Variants in NT5DC3 observed in about 807,000 individuals in gnomAD.
NT5DC3 encodes the protein 5'-nucleotidase domain containing 3.
Under a neutral mutation model 67.8 loss-of-function variants are expected in NT5DC3, and 42 were observed. The ratio of observed to expected loss-of-function variants is 0.62; its 90% CI spans 0.48 to 0.80. NT5DC3 has a LOEUF of 0.80. NT5DC3 is among the 30% of genes least tolerant of loss of function. The pLI is 0.00. For missense variants in NT5DC3, 570 were observed against 696.4 expected (o/e 0.82, Z 2.04); for synonymous variants, 237 against 255.6 (o/e 0.93, Z 0.69).
intron 6 of NT5DC3, among the ~76,000 whole-genome samples, 170 bp from the exon 7 acceptor site, chr12:103,794,167 T>G (rs1886200168): frequency 2.1e-5 from 2 of 94,646 alleles, no homozygotes; most frequent in Non-Finnish European, 2.2e-5. Flanking sequence ...TTTTTTTTTT[T>G]GAGACAGAGT....
At chr12:103,758,924 A>T in the NT5DC3 span, among the ~76,000 whole-genome samples, 1 of 152,146 alleles carries the variant, frequency 6.6e-6, no homozygotes, top group Non-Finnish European at 1.5e-5. Context: ...AATACAAATG[A>T]CATTCAATCC....
chr12:103,781,721 T>C (rs1885559318), intron 12 of NT5DC3, among the ~76,000 whole-genome samples: 1 of 152,208 alleles, frequency 6.6e-6, no homozygotes, highest in South Asian at 2.1e-4. Flanking sequence ...CACTTTAAAA[T>C]ATTTCAAAGA....
rs2139326223 is a variant in NT5DC3 at position 103,789,025 on chromosome 12, T to A, written c.1020-106A>T. 1.2e-5 allele frequency: 9 copies of A among 775,828 alleles called. No individual in the cohort carries two copies. Among genetic ancestry groups the A allele is most frequent in the Admixed American group, 4.4e-5 (2 of 45,852 alleles). The allele number at this position is 775,828 out of a possible 1,614,324, so 48.1% of individuals were successfully genotyped here. On this transcript the variant is annotated intron_variant, in intron 9 of 13. Coordinates refer to ENST00000392876, the MANE Select transcript of NT5DC3 (RefSeq NM_001031701.3). The stretch of plus-strand genomic sequence containing the variant: ...CAGGAAGTAGCTCCCTGCAAAAACC[T>A]AAAAAAAACCCGAAACCAAAACTCC...
chr12:103,789,271 A>C (rs1310456638), intron 9 of NT5DC3, among the ~76,000 whole-genome samples: 3 of 152,150 alleles, frequency 2.0e-5, no homozygotes, highest in Admixed American at 6.5e-5. Context: ...TAAAAATACA[A>C]AAATTAGCTG....
At chr12:103,805,337 CT>C (rs1886752989) in intron 4 of NT5DC3, among the ~76,000 whole-genome samples, 1 of 152,162 alleles carries the variant, frequency 6.6e-6, no homozygotes, top group South Asian at 2.1e-4. Context: ...CTGCTGACCC[CT>C]GTGACATCTT....
chr12:103,766,828 T>C (rs1352696977), downstream of NT5DC3: 1 of 155,514 alleles, frequency 6.4e-6, no homozygotes, highest in Admixed American at 6.2e-5. Flanking sequence ...ACCAGCCTTA[T>C]AAATTCTTCT....
intron 1 of NT5DC3, among the ~76,000 whole-genome samples, chr12:103,816,781 AT>A (rs1487197038): frequency 2.0e-5 from 3 of 152,090 alleles, no homozygotes; most frequent in Non-Finnish European, 4.4e-5. Context: ...GCCACCTATG[AT>A]TTTTTAAAAG....
downstream of NT5DC3, chr12:103,766,469 G>A (rs1200958874): frequency 2.3e-5 from 24 of 1,035,500 alleles, no homozygotes; most frequent in East Asian, 6.2e-4. Flanking sequence ...CTCTCTGGCT[G>A]ATCTGGGGGT....
At chr12:103,762,779 C>G in the NT5DC3 span, among the ~76,000 whole-genome samples, 3 of 152,324 alleles carry the variant, frequency 2.0e-5, no homozygotes, top group African/African-American at 4.8e-5. Context: ...AAGACCGGCT[C>G]TGAGAACTGG....
intron 4 of NT5DC3, among the ~76,000 whole-genome samples, chr12:103,800,274 G>A (rs1036665157): frequency 3.3e-5 from 5 of 152,142 alleles, no homozygotes; most frequent in African/African-American, 9.7e-5. Context: ...TGATTAACCT[G>A]TTACAACTAC....
intron 1 of NT5DC3, among the ~76,000 whole-genome samples, chr12:103,817,255 A>C (rs994380607): frequency 1.3e-5 from 2 of 152,236 alleles, no homozygotes; most frequent in African/African-American, 4.8e-5. Flanking sequence ...AAAGACAAAA[A>C]AATGTGATAT....
At chr12:103,812,803 GGTT>G (rs1269074604) in intron 2 of NT5DC3, among the ~76,000 whole-genome samples, 2 of 152,086 alleles carry the variant, frequency 1.3e-5, no homozygotes, top group African/African-American at 4.8e-5. Context: ...GTGTGTGCAG[GGTT>G]GTTGTACAGA....
At chr12:103,756,667 C>T in the NT5DC3 span, among the ~76,000 whole-genome samples, 2 of 152,126 alleles carry the variant, frequency 1.3e-5, no homozygotes, top group Non-Finnish European at 2.9e-5. Context: ...ACAAGGACAG[C>T]CTGGGCCACT....
intron 12 of NT5DC3, among the ~76,000 whole-genome samples, chr12:103,781,530 A>G (rs768100026): frequency 3.3e-5 from 5 of 152,078 alleles, no homozygotes; most frequent in Non-Finnish European, 7.4e-5. Context: ...CTTTCCCACC[A>G]TTTATCATCT....
At chr12:103,791,716 G>C (rs868654954) in intron 9 of NT5DC3, among the ~76,000 whole-genome samples, 19 of 152,188 alleles carry the variant, frequency 1.2e-4, no homozygotes, top group African/African-American at 4.3e-4. Flanking sequence ...CAGGAGGCGA[G>C]CGTCCAGTGG....
At chr12:103,831,283 C>T (rs1018082677) in intron 1 of NT5DC3, among the ~76,000 whole-genome samples, 1 of 152,132 alleles carries the variant, frequency 6.6e-6, no homozygotes, top group African/African-American at 2.4e-5. Flanking sequence ...TCTCCTGATG[C>T]CCTGTGAAGA....
At chr12:103,789,259 A>G (rs1885934462) in intron 9 of NT5DC3, among the ~76,000 whole-genome samples, 1 of 152,142 alleles carries the variant, frequency 6.6e-6, no homozygotes, top group Non-Finnish European at 1.5e-5. Context: ...CCCCATCTCT[A>G]CTAAAAATAC....
Position 103,793,517 on chromosome 12 carries a change from G to C in NT5DC3, c.815-5C>G. On this transcript the variant is annotated splice_region_variant and splice_polypyrimidine_tract_variant and intron_variant, in intron 7 of 13. Transcript: ENST00000392876. ...CAGCATAGCAGATGTACTTTTCTAA[G>C]AGCAAGAGAAAAATTCACACACAGA... The C allele has an allele frequency of 1.2e-6, 2 of 1,604,656 alleles. No homozygotes were observed. The highest frequency in any genetic ancestry group is 1.7e-4 in the Middle Eastern group (1 of 6,034).
intron 1 of NT5DC3, among the ~76,000 whole-genome samples, chr12:103,819,898 G>T (rs567191776): frequency 5.7e-4 from 87 of 152,236 alleles, no homozygotes; most frequent in African/African-American, 2.0e-3. Context: ...TTTTCTTCTT[G>T]CAAAACTGAA....
Sources: allele counts gnomAD v4.1 joint callset (sites outside exome capture counted in the v4.1 genomes callset), GRCh38; gene constraint gnomAD v4.1.1; transcripts MANE v1.5; gene names NCBI Gene and HGNC (gene_info 2026-07-23, HGNC 2026-07-21).